PLXDC2: variants seen among roughly 807,000 people sequenced by gnomAD.
PLXDC2 encodes plexin domain containing 2.
Under a neutral mutation model 68.9 loss-of-function variants are expected in PLXDC2, and 40 were observed. The observed-to-expected ratio is 0.58, with a 90% confidence interval of 0.45 to 0.76. PLXDC2 has a LOEUF of 0.76. Ranked by LOEUF, PLXDC2 falls within the 30% of genes least tolerant of loss-of-function variation. PLXDC2 has a pLI of 0.00. For missense variants in PLXDC2, 644 were observed against 661.9 expected (o/e 0.97, Z 0.30); for synonymous variants, 243 against 234.2 (o/e 1.04, Z -0.34).
intron 1 of PLXDC2, among the ~76,000 whole-genome samples, chr10:19,997,340 C>T (rs1834860642): frequency 6.6e-6 from 1 of 152,180 alleles, no homozygotes; most frequent in Non-Finnish European, 1.5e-5. Context: ...CATCTAGTCT[C>T]AAATGTATCT....
At chr10:20,054,759 C>G (rs954784258) in intron 3 of PLXDC2, among the ~76,000 whole-genome samples, 1 of 151,806 alleles carries the variant, frequency 6.6e-6, no homozygotes, top group Non-Finnish European at 1.5e-5. Flanking sequence ...TGTTAAATGA[C>G]GAGTTGATGG....
chr10:20,003,687 C>G (rs1589580413), intron 2 of PLXDC2, among the ~76,000 whole-genome samples: 1 of 152,130 alleles, frequency 6.6e-6, no homozygotes, highest in African/African-American at 2.4e-5. Flanking sequence ...CTGCCTCGGC[C>G]TCCTAAAGTG....
At chr10:19,971,342 T>C (rs1428105693) in intron 1 of PLXDC2, among the ~76,000 whole-genome samples, 1 of 152,202 alleles carries the variant, frequency 6.6e-6, no homozygotes, top group Non-Finnish European at 1.5e-5. Flanking sequence ...AACTTCCCAG[T>C]TCACTGTATA....
intron 2 of PLXDC2, among the ~76,000 whole-genome samples, chr10:20,015,940 G>A (rs1468852303): frequency 6.6e-6 from 1 of 152,134 alleles, no homozygotes; most frequent in Non-Finnish European, 1.5e-5. Flanking sequence ...TCATATACTA[G>A]TAACGACTTC....
At chr10:20,077,343 A>AT (rs149324581) in intron 4 of PLXDC2, among the ~76,000 whole-genome samples, 15,580 of 152,154 alleles carry the variant, frequency 0.1, 979 homozygotes, top group South Asian at 0.3. Context: ...ATATTTTTCT[A>AT]TTTTTTAATA....
At chr10:20,209,673 T>G (rs1036655969) in intron 9 of PLXDC2, among the ~76,000 whole-genome samples, 2 of 152,142 alleles carry the variant, frequency 1.3e-5, no homozygotes, top group Non-Finnish European at 2.9e-5. Flanking sequence ...ATTGCTGTTA[T>G]CCTGTTCTTT....
chr10:19,977,343 T>A (rs1834474485), intron 1 of PLXDC2, among the ~76,000 whole-genome samples: 1 of 152,210 alleles, frequency 6.6e-6, no homozygotes, highest in Admixed American at 6.5e-5. Flanking sequence ...AACTTACTGA[T>A]AAAATCTTTC....
At chr10:20,207,531 G>T (rs374311553) in intron 9 of PLXDC2, among the ~76,000 whole-genome samples, 2 of 152,106 alleles carry the variant, frequency 1.3e-5, no homozygotes, top group African/African-American at 4.8e-5. Context: ...ATTACTTATG[G>T]TTATGGTCAG....
chr10:19,848,657 C>T (rs535759123), intron 1 of PLXDC2, among the ~76,000 whole-genome samples: 1 of 152,302 alleles, frequency 6.6e-6, no homozygotes, highest in South Asian at 2.1e-4. Context: ...AATTTCCAAA[C>T]ATCTTCCATG....
chr10:19,974,558 G>A (rs1161853288), intron 1 of PLXDC2, among the ~76,000 whole-genome samples: 1 of 152,128 alleles, frequency 6.6e-6, no homozygotes, highest in East Asian at 1.9e-4. Context: ...TTGTATGTGG[G>A]GAGAAAAACT....
intron 13 of PLXDC2, among the ~76,000 whole-genome samples, chr10:20,270,768 T>G (rs1835927901): frequency 6.6e-6 from 1 of 151,914 alleles, no homozygotes; most frequent in Non-Finnish European, 1.5e-5. Context: ...GTAATCTGCC[T>G]GCCTCAGCCT....
chr10:20,015,729 A>C (rs1024384680), intron 2 of PLXDC2, among the ~76,000 whole-genome samples: 1 of 152,102 alleles, frequency 6.6e-6, no homozygotes, highest in Non-Finnish European at 1.5e-5. Context: ...AGATAGAGAG[A>C]GGATACGATG....
At position 19,819,428 on chromosome 10, in the gene PLXDC2, C is replaced by T. The variant is rs543312775; in HGVS notation, c.112+2237C>T. ...AATATATAAAAAAAGCAAGGTGAAA[C>T]AGAAAAAAGTATACAACTTTATTTG... On this transcript the variant is annotated intron_variant, in intron 1 of 13. Coordinates refer to ENST00000377252, the MANE Select transcript of PLXDC2 (RefSeq NM_032812.9). 4.6e-5 allele frequency among the ~76,000 whole-genome samples: 7 copies of T among 151,904 alleles called. No homozygotes were observed. In the South Asian group the frequency reaches 1.5e-3, roughly 32 times the overall value.
intron 12 of PLXDC2, among the ~76,000 whole-genome samples, chr10:20,233,878 T>A (rs940571846): frequency 2.0e-5 from 3 of 152,146 alleles, no homozygotes; most frequent in African/African-American, 7.2e-5. Flanking sequence ...TAGAGTGCAG[T>A]GGTGCAATCA....
At chr10:20,122,313 C>A (rs1833709598) in intron 4 of PLXDC2, among the ~76,000 whole-genome samples, 1 of 152,032 alleles carries the variant, frequency 6.6e-6, no homozygotes, top group Non-Finnish European at 1.5e-5. Flanking sequence ...GAGTGAGTAG[C>A]CTCCGTATTG....
At chr10:20,090,414 A>ATGAATGAACTCC (rs2131729890) in intron 4 of PLXDC2, among the ~76,000 whole-genome samples, 1 of 152,232 alleles carries the variant, frequency 6.6e-6, no homozygotes, top group East Asian at 1.9e-4. Flanking sequence ...GAGAACAGTC[A>ATGAATGAACTCC]ATGAATGAGA....
At chr10:19,840,299 A>G (rs1461563970) in intron 1 of PLXDC2, among the ~76,000 whole-genome samples, 1 of 152,160 alleles carries the variant, frequency 6.6e-6, no homozygotes, top group Non-Finnish European at 1.5e-5. Context: ...TAAAAACTCA[A>G]GTGTTTAAGC....
chr10:20,226,175 T>C (rs1338022448), intron 12 of PLXDC2, among the ~76,000 whole-genome samples: 1 of 152,236 alleles, frequency 6.6e-6, no homozygotes, highest in Non-Finnish European at 1.5e-5. Context: ...AAGAAATTAT[T>C]TCTTTCTACA....
intron 12 of PLXDC2, among the ~76,000 whole-genome samples, chr10:20,227,573 G>A (rs944841151): frequency 6.6e-6 from 1 of 152,102 alleles, no homozygotes; most frequent in African/African-American, 2.4e-5. Context: ...TAAGGCTGGT[G>A]AGGCTGAGAA....
Sources: gnomAD v4.1 joint callset for allele counts (sites outside exome capture counted in the v4.1 genomes callset) on GRCh38, gnomAD v4.1.1 for gene constraint, MANE v1.5 for transcripts, NCBI Gene and HGNC (gene_info 2026-07-23, HGNC 2026-07-21) for gene names.